Variants in CAMK1D observed in about 807,000 individuals in gnomAD.
CAMK1D encodes calcium/calmodulin-dependent protein kinase type 1D.
Under a neutral mutation model 47.7 loss-of-function variants are expected in CAMK1D, and 9 were observed. The ratio of observed to expected loss-of-function variants is 0.19; its 90% confidence interval spans 0.11 to 0.33. The LOEUF (loss-of-function observed/expected upper bound fraction) is 0.33. Among genes scored for constraint, CAMK1D ranks in the 10% least tolerant of loss-of-function variants. The pLI is 1.00. For synonymous variants in CAMK1D, 184 were observed against 184.9 expected (o/e 0.99, Z 0.04); for missense variants, 291 against 488.7 (o/e 0.60, Z 3.81).
chr10:12,800,597 C>T (rs912020881), intron 6 of CAMK1D, among the ~76,000 whole-genome samples: 1 of 152,188 alleles, frequency 6.6e-6, no homozygotes, highest in Non-Finnish European at 1.5e-5. Context: ...CTGGGTTGGC[C>T]TTGAAGCTTG....
At chr10:12,590,964 T>C (rs139056454) in intron 2 of CAMK1D, among the ~76,000 whole-genome samples, 33 of 152,354 alleles carry the variant, frequency 2.2e-4, no homozygotes, top group African/African-American at 6.7e-4. Flanking sequence ...TACATTTAAA[T>C]TGCATCAATC....
chr10:12,482,054 G>A (rs1260161677), intron 1 of CAMK1D, among the ~76,000 whole-genome samples: 1 of 152,248 alleles, frequency 6.6e-6, no homozygotes, highest in Non-Finnish European at 1.5e-5. Flanking sequence ...TACCTCCACT[G>A]TAATGAAATG....
intron 3 of CAMK1D, among the ~76,000 whole-genome samples, chr10:12,694,982 A>G (rs2130695565): frequency 6.6e-6 from 1 of 152,240 alleles, no homozygotes; most frequent in South Asian, 2.1e-4. Flanking sequence ...AAATAAATAA[A>G]TCCTCGTTGG....
At chr10:12,462,098 G>A (rs1414823282) in intron 1 of CAMK1D, among the ~76,000 whole-genome samples, 1 of 148,082 alleles carries the variant, frequency 6.8e-6, no homozygotes, top group Non-Finnish European at 1.5e-5. Flanking sequence ...TTAATTTTAT[G>A]AAAATTCACT....
intron 8 of CAMK1D, 27 bp from the exon 9 acceptor site, chr10:12,824,438 A>G: frequency 6.2e-7 from 1 of 1,601,224 alleles, no homozygotes; most frequent in Non-Finnish European, 8.6e-7. Flanking sequence ...GAAGCACTTC[A>G]GAGCAGCACC....
At chr10:12,515,711 G>A (rs1266723625) in intron 1 of CAMK1D, among the ~76,000 whole-genome samples, 6 of 150,734 alleles carry the variant, frequency 4.0e-5, no homozygotes, top group East Asian at 2.0e-4. Flanking sequence ...CCGGGTTCAC[G>A]CCATTCTCCT....
chr10:12,767,468 C>T (rs138040849), intron 4 of CAMK1D, among the ~76,000 whole-genome samples: 6 of 152,218 alleles, frequency 3.9e-5, no homozygotes, highest in South Asian at 2.1e-4. Context: ...TGAGCCACTG[C>T]GCCTAACCAG....
At chr10:12,624,121 G>A (rs1031212906) in intron 2 of CAMK1D, among the ~76,000 whole-genome samples, 1 of 151,952 alleles carries the variant, frequency 6.6e-6, no homozygotes, top group African/African-American at 2.4e-5. Flanking sequence ...AGGAAAAGAC[G>A]AAGAATCACC....
intron 3 of CAMK1D, among the ~76,000 whole-genome samples, chr10:12,727,985 C>G (rs1169040357): frequency 2.0e-5 from 3 of 152,066 alleles, no homozygotes; most frequent in Non-Finnish European, 4.4e-5. Context: ...GGGCTGGTCT[C>G]GGACTCCTGA....
chr10:12,658,311 G>T (rs980131880), intron 2 of CAMK1D, among the ~76,000 whole-genome samples: 1 of 152,156 alleles, frequency 6.6e-6, no homozygotes, highest in East Asian at 1.9e-4. Flanking sequence ...AGAGACGAAG[G>T]TGTGCATGGC....
At chr10:12,663,901 G>A (rs1840350366) in intron 2 of CAMK1D, among the ~76,000 whole-genome samples, 1 of 152,148 alleles carries the variant, frequency 6.6e-6, no homozygotes, top group African/African-American at 2.4e-5. Context: ...AAGTACCTGA[G>A]AACAGATGTG....
intron 2 of CAMK1D, among the ~76,000 whole-genome samples, chr10:12,603,683 C>T (rs530613006): frequency 3.2e-4 from 48 of 152,264 alleles, no homozygotes; most frequent in African/African-American, 1.1e-3. Flanking sequence ...CCCTCTTTCC[C>T]GCTTGACCCA....
At chr10:12,496,507 C>T (rs1009624748) in intron 1 of CAMK1D, among the ~76,000 whole-genome samples, 8 of 152,156 alleles carry the variant, frequency 5.3e-5, no homozygotes, top group East Asian at 1.9e-4. Flanking sequence ...CCAGAGCTGA[C>T]GTCAGTGAGG....
At chr10:12,585,632 G>A (rs1397988470) in intron 2 of CAMK1D, among the ~76,000 whole-genome samples, 1 of 152,096 alleles carries the variant, frequency 6.6e-6, no homozygotes, top group African/African-American at 2.4e-5. Context: ...AAGTGAAAGG[G>A]GTTTCCTTTT....
chr10:12,748,148 C>T (rs200650773), intron 3 of CAMK1D, among the ~76,000 whole-genome samples: 2 of 152,190 alleles, frequency 1.3e-5, no homozygotes, highest in East Asian at 3.9e-4. Context: ...TTATTCCTCT[C>T]TTCACCCTCC....
intron 1 of CAMK1D, among the ~76,000 whole-genome samples, chr10:12,458,636 T>A (rs533223880): frequency 6.6e-6 from 1 of 152,148 alleles, no homozygotes; most frequent in Non-Finnish European, 1.5e-5. Context: ...ACTGTGTTGT[T>A]GCCCAGCTGG....
intron 2 of CAMK1D, among the ~76,000 whole-genome samples, chr10:12,623,214 TCCCTCCCTCCCTCCCTCCCTTCCTCC>T: frequency 1.7e-3 from 1 of 586 alleles, no homozygotes; most frequent in African/African-American, 5.2e-3. Context: ...CTTTCTTTCC[TCCCTCCCTCCCTCCCTCCCTTCCTCC>T]CTTCCTTCCT....
chr10:12,570,961 A>G (rs1397929551), intron 2 of CAMK1D, among the ~76,000 whole-genome samples: 2 of 151,992 alleles, frequency 1.3e-5, no homozygotes, highest in African/African-American at 4.8e-5. Flanking sequence ...AATTAAAAAA[A>G]AGATCCATGA....
At chr10:12,793,879 G>GCTATATCTA (rs1838084709) in intron 6 of CAMK1D, among the ~76,000 whole-genome samples, 3 of 152,176 alleles carry the variant, frequency 2.0e-5, no homozygotes, top group Admixed American at 1.3e-4. Flanking sequence ...TTGGAAAGAG[G>GCTATATCTA]GCCAGCATGG....
Sources: allele counts gnomAD v4.1 joint callset (sites outside exome capture counted in the v4.1 genomes callset), GRCh38; gene constraint gnomAD v4.1.1; transcripts MANE v1.5; gene names NCBI Gene and HGNC (gene_info 2026-07-23, HGNC 2026-07-21).